Variants in SIRT1 observed in about 807,000 individuals in gnomAD.
The protein encoded by SIRT1 is sirtuin 1, also known as NAD-dependent protein deacetylase sirtuin-1.
Under a neutral mutation model 67.9 loss-of-function variants are expected in SIRT1, and 24 were observed. That is an observed-to-expected ratio of 0.35 (90% confidence interval 0.26 to 0.50). The LOEUF is 0.50. Among genes scored for constraint, SIRT1 ranks in the 20% least tolerant of loss-of-function variants. The pLI, the probability that SIRT1 is intolerant of heterozygous loss-of-function variation, is 0.98. For synonymous variants in SIRT1, 378 were observed against 350.7 expected, an observed-to-expected ratio of 1.08 and a Z score of -0.87; for missense variants, 873 against 937.2, an observed-to-expected ratio of 0.93 and a Z score of 0.89.
At chr10:67,899,458 T>G (rs1181562618) in intron 4 of SIRT1, among the ~76,000 whole-genome samples, 2 of 151,886 alleles carry the variant, frequency 1.3e-5, no homozygotes, top group African/African-American at 2.4e-5. Flanking sequence ...ATATCTGTCC[T>G]TAATGGTTAC....
intron 2 of SIRT1, among the ~76,000 whole-genome samples, 194 bp from the exon 3 acceptor site, chr10:67,888,688 C>T (rs1842524225): frequency 6.6e-6 from 1 of 152,160 alleles, no homozygotes; most frequent in Non-Finnish European, 1.5e-5. Context: ...GTCTTCCCAA[C>T]TCTTCATTAG....
At chr10:67,906,992 A>G (rs957050350) in intron 5 of SIRT1, 55 bp downstream of exon 5, 104 of 1,439,008 alleles carry the variant, frequency 7.2e-5, no homozygotes, top group Admixed American at 2.7e-4. Context: ...ATAGGAAGAT[A>G]TTTCCTATAA....
chr10:67,914,426 A>AG (rs1323417781), intron 8 of SIRT1, among the ~76,000 whole-genome samples: 1 of 152,156 alleles, frequency 6.6e-6, no homozygotes, highest in African/African-American at 2.4e-5. Context: ...AAGGAGCAAA[A>AG]TATTTAACAA....
rs11327756 is a variant in SIRT1 at position 67,891,029 on chromosome 10, CAA to C, written c.790-360_790-359del. On this transcript the variant is annotated intron_variant, in intron 3 of 8. Coordinates refer to ENST00000212015, the MANE Select transcript of SIRT1 (RefSeq NM_012238.5). ...TGGGCGACAGTGTGAGACTCTGTCT[CAA>C]AAAAAAAAAAAACAAAAAAAAAAAG... Among the ~76,000 whole-genome samples, 3,661 of 100,384 alleles carry C rather than the reference CAA, an allele frequency of 0.036. 325 individuals carry two copies. The East Asian group carries it at 0.41, about 11-fold the overall frequency. 65.9% of individuals were successfully genotyped at this position (100,384 alleles called of 152,430 possible). A position where few individuals can be genotyped will look rare whatever the true frequency, so the allele number is the denominator to read the frequency against.
rs1031745206 is a variant in SIRT1, at chr10:67,907,919, TAAAAAC to T, written c.1091-115_1091-110del. ...GTGTTCTGAGGTTTAAAATCAAAGT[TAAAAAC>T]AAAAACAAAAATCCTTAAACCCTCT... is the stretch of plus-strand genomic sequence containing the variant. On this transcript the variant is annotated intron_variant, in intron 5 of 8. Transcript: ENST00000212015. The T allele has an allele frequency of 2.0e-4, 146 of 735,690 alleles. No homozygotes were observed. In the South Asian group the frequency reaches 2.4e-3, roughly 12 times the overall value. 45.6% of individuals were successfully genotyped at this position (735,690 alleles called of 1,614,324 possible).
intron 8 of SIRT1, among the ~76,000 whole-genome samples, chr10:67,914,790 C>T (rs1049118249): frequency 1.3e-5 from 2 of 149,754 alleles, no homozygotes; most frequent in African/African-American, 2.5e-5. Flanking sequence ...TCACGGCAAC[C>T]TCCGCCTCCC....
intron 1 of SIRT1, 78 bp downstream of exon 1, chr10:67,885,229 G>A: frequency 7.9e-7 from 1 of 1,259,992 alleles, no homozygotes; most frequent in Non-Finnish European, 1.0e-6. Flanking sequence ...GAGGTTGAGG[G>A]CGGCTGGGGG....
chr10:67,908,217 T>C, intron 6 of SIRT1, 92 bp downstream of exon 6: 1 of 1,006,222 alleles, frequency 9.9e-7, no homozygotes, highest in Non-Finnish European at 1.5e-6. Flanking sequence ...TTAAAGTATA[T>C]ATGGTACAGA....
At chr10:67,913,616 A>G (rs1032358164) in intron 8 of SIRT1, among the ~76,000 whole-genome samples, 1 of 152,212 alleles carries the variant, frequency 6.6e-6, no homozygotes, top group African/African-American at 2.4e-5. Context: ...TAGAACATGC[A>G]TAGTCTTTAT....
intron 7 of SIRT1, among the ~76,000 whole-genome samples, chr10:67,911,435 C>T (rs1842896759): frequency 6.6e-6 from 1 of 151,886 alleles, no homozygotes; most frequent in South Asian, 2.1e-4. Context: ...TCAAGTGATC[C>T]TTCCTCCTCT....
At chr10:67,904,337 A>G (rs796756302) in intron 4 of SIRT1, among the ~76,000 whole-genome samples, 33 of 151,246 alleles carry the variant, frequency 2.2e-4, no homozygotes, top group African/African-American at 7.8e-4. Context: ...GGGTTTCTCC[A>G]TGTTGCCCAG....
chr10:67,916,876 A>G lies in SIRT1; in HGVS notation c.*283A>G, dbSNP rs771266253. 1.3e-5 allele frequency: 3 copies of G among 223,380 alleles called. No homozygotes were observed. Among genetic ancestry groups the G allele is most frequent in the Non-Finnish European group, 2.6e-5 (3 of 115,880 alleles). The allele number at this position is 223,380 out of a possible 1,614,324, so 13.8% of individuals were successfully genotyped here. A position where few individuals can be genotyped will look rare whatever the true frequency, so the allele number is the denominator to read the frequency against. On this transcript the variant is annotated 3_prime_UTR_variant, in exon 9 of 9. Transcript: ENST00000212015. ...AACTTTCTTTTAAAGGTTCATTTGT[A>G]TGATAAATTCATATGTGTATATATA...
Position 67,889,036 on chromosome 10 carries a change from GA to G in SIRT1, c.709del (p.Arg237GlufsTer11), listed in dbSNP as rs1564883215. On this transcript the variant is annotated frameshift_variant, in exon 3 of 9. Transcript: ENST00000212015. LOFTEE classifies it high-confidence loss of function. ...ATATCCTTTCAGAACCACCAAAAAG[GA>G]AAAAAAGAAAAGATATTAATACAAT... is the stretch of plus-strand genomic sequence containing the variant. ...INILSEPPKR[K>X]KRKDINTIED... 6.2e-7 allele frequency: 1 copy of G among 1,611,638 alleles called. No individual in the cohort carries two copies. Among genetic ancestry groups the G allele is most frequent in the Non-Finnish European group, 8.5e-7 (1 of 1,179,418 alleles).
At chr10:67,896,539 T>TAATC (rs1262339253) in intron 4 of SIRT1, among the ~76,000 whole-genome samples, 1 of 152,086 alleles carries the variant, frequency 6.6e-6, no homozygotes, top group African/African-American at 2.4e-5. Context: ...CTCACACCTG[T>TAATC]AATCCCAGCA....
At chr10:67,890,759 G>A (rs34406179) in intron 3 of SIRT1, among the ~76,000 whole-genome samples, 11,386 of 150,922 alleles carry the variant, frequency 0.075, 1,112 homozygotes, top group African/African-American at 0.23. Context: ...AGCCGGGCGC[G>A]GTGGCTCACA....
At position 67,884,973 on chromosome 10, in the gene SIRT1, G is replaced by T. The variant is rs1464082171; in HGVS notation, c.252G>T (p.Ala84=). 1.0e-4 allele frequency: 130 copies of T among 1,265,738 alleles called. No homozygotes were observed. The highest frequency in any genetic ancestry group is 1.2e-4 in the Non-Finnish European group (122 of 1,004,600). The allele number at this position is 1,265,738 out of a possible 1,614,324, so 78.4% of individuals were successfully genotyped here. ...GGCGGGAGGCGGAGGCAGAGGCGGC[G>T]GCGGCAGGCGGGGAGCAAGAGGCCC... is the stretch of plus-strand genomic sequence containing the variant. ...ALWREAEAEA[A]AAGGEQEAQA... The change falls in exon 1 of 9, where the codon GCG becomes GCT. Residue 84 remains alanine (A), a synonymous_variant. Transcript: ENST00000212015.
chr10:67,895,619 AT>A (rs775045434), intron 4 of SIRT1, among the ~76,000 whole-genome samples: 35 of 150,316 alleles, frequency 2.3e-4, no homozygotes, highest in South Asian at 1.0e-3. Context: ...AAAAGGAAAT[AT>A]TGGTGAAATT....
At position 67,888,804 on chromosome 10, in the gene SIRT1, A is replaced by G. The variant is rs1032549992; in HGVS notation, c.548-78A>G. 1.2e-5 allele frequency: 18 copies of G among 1,493,016 alleles called. No homozygotes were observed. The African/African-American group carries it at 2.0e-4, about 16-fold the overall frequency. 92.5% of individuals were successfully genotyped at this position (1,493,016 alleles called of 1,614,324 possible). A position where few individuals can be genotyped will look rare whatever the true frequency, so the allele number is the denominator to read the frequency against. On this transcript the variant is annotated intron_variant, in intron 2 of 8. Coordinates refer to ENST00000212015, the MANE Select transcript of SIRT1 (RefSeq NM_012238.5). Reference sequence around the variant, plus strand: ...TTGCAAAAAACCCTCACAGAATGCTAACTCATTACTTCAGAAAATAAATGA... The same window carrying G: ...TTGCAAAAAACCCTCACAGAATGCTGACTCATTACTTCAGAAAATAAATGA...
At chr10:67,894,901 T>C (rs912950849) in intron 4 of SIRT1, among the ~76,000 whole-genome samples, 1 of 152,116 alleles carries the variant, frequency 6.6e-6, no homozygotes, top group Non-Finnish European at 1.5e-5. Context: ...GGTTTCACCA[T>C]GTTGGCAAGG....
Sources: gnomAD v4.1 joint callset for allele counts (sites outside exome capture counted in the v4.1 genomes callset) on GRCh38, gnomAD v4.1.1 for gene constraint, MANE v1.5 for transcripts, NCBI Gene and HGNC (gene_info 2026-07-23, HGNC 2026-07-21) for gene names.